SVEP1: variants seen among roughly 807,000 people sequenced by gnomAD.
SVEP1 encodes the protein sushi, von Willebrand factor type A, EGF and pentraxin domain-containing protein 1.
In SVEP1, 164 loss-of-function variants were observed where a neutral mutation model predicts 367.3. The observed-to-expected ratio is 0.45, with a 90% CI of 0.39 to 0.51. SVEP1 has a LOEUF of 0.51. Ranked by LOEUF, SVEP1 falls within the 20% of genes least tolerant of loss-of-function variation. The probability of loss-of-function intolerance (pLI) is 0.00; values close to 1 mark genes in which losing one functional copy is unlikely to be tolerated. For synonymous variants in SVEP1, 1,666 were observed against 1,611.6 expected (o/e 1.03, Z -0.81); for missense variants, 4,117 against 4,425.3 (o/e 0.93, Z 1.98).
Position 110,379,367 on chromosome 9 carries a change from G to A in SVEP1, c.10388C>T (p.Thr3463Ile), listed in dbSNP as rs769507391. 3 of 1,613,656 alleles carry A rather than the reference G, an allele frequency of 1.9e-6. No individual in the cohort carries two copies. Among genetic ancestry groups the A allele is most frequent in the Non-Finnish European group, 2.5e-6 (3 of 1,179,730 alleles). ...RSVCLENGTW[T>I]SPPICRAVCR... ...CTTACCTCTGCAAATAGGAGGTGAT[G>A]TCCATGTTCCATTTTCTAAACAAAC... Residue 3463 changes from threonine to isoleucine, a missense_variant, in exon 44 of 48, where the codon ACA (threonine) becomes ATA (isoleucine). Around this residue, in one of 4 missense-constraint regions of SVEP1, gnomAD observed 1,765 missense variants for 1,781.1 expected, o/e 0.99. Transcript: ENST00000374469.
At chr9:110,533,646 C>T (rs1830048226) in intron 3 of SVEP1, among the ~76,000 whole-genome samples, 1 of 152,136 alleles carries the variant, frequency 6.6e-6, no homozygotes, top group South Asian at 2.1e-4. Context: ...ATCCCCAGCA[C>T]TTAGCACACT....
chr9:110,512,500 G>A (rs1046909634), intron 5 of SVEP1, among the ~76,000 whole-genome samples: 2 of 151,960 alleles, frequency 1.3e-5, no homozygotes, highest in Non-Finnish European at 2.9e-5. Flanking sequence ...ATAACGGGTC[G>A]ACTAGCCGAA....
chr9:110,463,156 G>A (rs1828884590), intron 18 of SVEP1, among the ~76,000 whole-genome samples: 1 of 151,924 alleles, frequency 6.6e-6, no homozygotes, highest in Non-Finnish European at 1.5e-5. Flanking sequence ...CAGGGTAAAA[G>A]GTGGTGTCAT....
At chr9:110,426,529 T>C (rs904214304) in intron 36 of SVEP1, among the ~76,000 whole-genome samples, 1 of 152,324 alleles carries the variant, frequency 6.6e-6, no homozygotes, top group South Asian at 2.1e-4. Flanking sequence ...AGAGTTGAGA[T>C]ACAAATCCAG....
chr9:110,415,342 G>T (rs939995833), intron 36 of SVEP1, among the ~76,000 whole-genome samples: 1 of 152,080 alleles, frequency 6.6e-6, no homozygotes, highest in Non-Finnish European at 1.5e-5. Context: ...ATGCAAAAAT[G>T]TGTGTATGTA....
chr9:110,396,687 C>A (rs1244741907), intron 40 of SVEP1, among the ~76,000 whole-genome samples: 1 of 74,250 alleles, frequency 1.3e-5, no homozygotes, highest in African/African-American at 5.6e-5. Flanking sequence ...CACAGAAATA[C>A]AAACTACCAT....
intron 3 of SVEP1, among the ~76,000 whole-genome samples, chr9:110,531,622 C>A (rs1436620882): frequency 2.0e-5 from 3 of 152,122 alleles, no homozygotes; most frequent in Admixed American, 2.0e-4. Context: ...GTCAATTAAA[C>A]CTCTTTCCAT....
In SVEP1 at chr9:110,411,134, T is replaced by C. The variant is rs773027971; in HGVS notation, c.6577A>G (p.Ser2193Gly). ...KSTCEATGQW[S>G]SPIPTCHPVS... ...GGGTGGCACGTCGGTATAGGACTAC[T>C]CCACTGCCCTGTGGCTTCGCAGGTG... The change falls in exon 37 of 48, where the codon AGT becomes GGT. Residue 2193 changes from serine to glycine, a missense_variant. By Grantham distance (56) the Ser-to-Gly change is moderately conservative. Transcript: ENST00000374469. 1 of 1,613,802 alleles carries C rather than the reference T, an allele frequency of 6.2e-7. No homozygotes were observed. The highest frequency in any genetic ancestry group is 8.5e-7 in the Non-Finnish European group (1 of 1,179,840).
At position 110,499,246 on chromosome 9, in the gene SVEP1, AG is replaced by A. The variant is rs772066496; in HGVS notation, c.1484-9del. 1.3e-5 allele frequency: 20 copies of A among 1,598,694 alleles called. No individual in the cohort carries two copies. Among genetic ancestry groups the A allele is most frequent in the Non-Finnish European group, 1.7e-5 (20 of 1,171,522 alleles). ...AGGTGGAACAGTGGCGCTCTACGGTAGGGAAACAGAGAGAATGTTATTTGTG... is the reference window on the plus strand; with the variant it reads ...AGGTGGAACAGTGGCGCTCTACGGTAGGAAACAGAGAGAATGTTATTTGTG... On this transcript the variant is annotated splice_polypyrimidine_tract_variant and intron_variant, in intron 6 of 47. Coordinates refer to ENST00000374469, the MANE Select transcript of SVEP1 (RefSeq NM_153366.4).
chr9:110,517,372 T>C (rs1829818322), intron 3 of SVEP1, among the ~76,000 whole-genome samples: 2 of 151,810 alleles, frequency 1.3e-5, no homozygotes, highest in African/African-American at 4.8e-5. Context: ...TCGAGGTGGG[T>C]GGATCACCTG....
At chr9:110,389,791 A>C (rs1827599120) in intron 40 of SVEP1, among the ~76,000 whole-genome samples, 1 of 152,098 alleles carries the variant, frequency 6.6e-6, no homozygotes, top group Non-Finnish European at 1.5e-5. Context: ...ACACTCTGGC[A>C]GACCGGTATA....
At chr9:110,381,107 T>G (rs1827427591) in intron 43 of SVEP1, among the ~76,000 whole-genome samples, 1 of 152,138 alleles carries the variant, frequency 6.6e-6, no homozygotes, top group Non-Finnish European at 1.5e-5. Flanking sequence ...TTCTTCCCTT[T>G]TTTTAATTAG....
intron 40 of SVEP1, 43 bp downstream of exon 40, chr9:110,400,811 T>C: frequency 5.1e-6 from 8 of 1,568,056 alleles, no homozygotes; most frequent in Non-Finnish European, 6.9e-6. Context: ...CCAAGTATAT[T>C]GGAAAAACAA....
At chr9:110,501,174 A>G (rs1829523722) in intron 6 of SVEP1, among the ~76,000 whole-genome samples, 1 of 148,348 alleles carries the variant, frequency 6.7e-6, no homozygotes, top group South Asian at 2.1e-4. Flanking sequence ...ATTAATATAA[A>G]TAATTTATAT....
intron 40 of SVEP1, among the ~76,000 whole-genome samples, chr9:110,399,579 G>C (rs747173294): frequency 6.6e-6 from 1 of 152,058 alleles, no homozygotes; most frequent in Non-Finnish European, 1.5e-5. Flanking sequence ...TGTCACCCAG[G>C]CTGGAGTGCA....
intron 46 of SVEP1, among the ~76,000 whole-genome samples, chr9:110,374,204 G>A (rs979730396): frequency 3.3e-5 from 5 of 152,064 alleles, no homozygotes; most frequent in African/African-American, 7.2e-5. Flanking sequence ...ACGTGTTTAC[G>A]TGTTCCCATC....
intron 46 of SVEP1, among the ~76,000 whole-genome samples, chr9:110,371,988 A>G (rs1005095027): frequency 1.3e-5 from 2 of 152,272 alleles, no homozygotes; most frequent in Middle Eastern, 3.4e-3. Context: ...TGTTGCTCTC[A>G]ACACATAATT....
intron 24 of SVEP1, 90 bp downstream of exon 24, chr9:110,449,969 A>C (rs754299964): frequency 8.5e-6 from 12 of 1,415,696 alleles, no homozygotes; most frequent in Non-Finnish European, 1.2e-5. Context: ...GACTGACTTG[A>C]GACTCAAAGC....
intron 1 of SVEP1, among the ~76,000 whole-genome samples, chr9:110,568,733 C>G (rs1279381086): frequency 6.6e-6 from 1 of 151,972 alleles, no homozygotes; most frequent in Non-Finnish European, 1.5e-5. Flanking sequence ...GAGTTTATAT[C>G]GAATAAAATT....
Sources: allele counts gnomAD v4.1 joint callset (sites outside exome capture counted in the v4.1 genomes callset), GRCh38; gene constraint gnomAD v4.1.1; regional missense constraint gnomAD v4.1.1; transcripts MANE v1.5; gene names NCBI Gene and HGNC (gene_info 2026-07-23, HGNC 2026-07-21).